Variants in PTPN9 observed in about 807,000 individuals in gnomAD.
PTPN9 encodes the protein protein tyrosine phosphatase non-receptor type 9, also known as tyrosine-protein phosphatase non-receptor type 9.
In PTPN9, 26 loss-of-function variants were observed where a neutral mutation model predicts 69.8. The ratio of observed to expected loss-of-function variants is 0.37; its 90% CI spans 0.27 to 0.52. The LOEUF is 0.52. Among genes scored for constraint, PTPN9 ranks in the 20% least tolerant of loss-of-function variants. The pLI is 0.91. For missense variants in PTPN9, 549 were observed against 740.3 expected (o/e 0.74, Z 3.00); for synonymous variants, 274 against 272.5 (o/e 1.01, Z -0.05).
chr15:75,559,415 G>A (rs1212512180), intron 1 of PTPN9, among the ~76,000 whole-genome samples: 1 of 152,174 alleles, frequency 6.6e-6, no homozygotes, highest in Non-Finnish European at 1.5e-5. Flanking sequence ...ACTCCATTTT[G>A]TTCTGTGCTG....
At chr15:75,530,487 TTATAA>T (rs1258219541) in intron 1 of PTPN9, among the ~76,000 whole-genome samples, 23 of 96,176 alleles carry the variant, frequency 2.4e-4, no homozygotes, top group African/African-American at 3.4e-4. Context: ...AAAATATATA[TTATAA>T]TATATTATAT....
Position 75,464,715 on chromosome 15 carries a change from GTGTC to G in PTPN9, c.*4050_*4053del, listed in dbSNP as rs1567456141. The G allele has an allele frequency of 6.6e-6, 1 of 152,140 alleles. No individual in the cohort carries two copies. The highest frequency in any genetic ancestry group is 2.4e-5 in the African/African-American group (1 of 41,422). 9.4% of individuals were successfully genotyped at this position (152,140 alleles called of 1,614,324 possible). A position where few individuals can be genotyped will look rare whatever the true frequency, so the allele number is the denominator to read the frequency against. ...CTGATTTATAAAAGTTTTTGTATGT[GTGTC>G]TGTCTGTCCCAAGAGACAGGAAGCA... On this transcript the variant is annotated 3_prime_UTR_variant, in exon 13 of 13. Transcript: ENST00000618819.
chr15:75,503,614 C>T (rs1230818835), intron 7 of PTPN9, among the ~76,000 whole-genome samples: 6 of 142,134 alleles, frequency 4.2e-5, no homozygotes, highest in African/African-American at 1.6e-4. Flanking sequence ...GCCCCCCGCC[C>T]GGCCAGCCGC....
chr15:75,470,088 T>A, intron 11 of PTPN9, 89 bp from the exon 12 acceptor site: 1 of 1,216,104 alleles, frequency 8.2e-7, no homozygotes, highest in Non-Finnish European at 1.2e-6. Context: ...AACACCCTGG[T>A]TATCCCTACC....
At position 75,578,886 on chromosome 15, in the gene PTPN9, G is replaced by C. The variant is rs1190808564; in HGVS notation, c.-110C>G. 1 of 734,422 alleles carries C rather than the reference G, an allele frequency of 1.4e-6. No individual in the cohort carries two copies. The highest frequency in any genetic ancestry group is 1.8e-6 in the Non-Finnish European group (1 of 553,006). 45.5% of individuals were successfully genotyped at this position (734,422 alleles called of 1,614,324 possible). A position where few individuals can be genotyped will look rare whatever the true frequency, so the allele number is the denominator to read the frequency against. On this transcript the variant is annotated 5_prime_UTR_variant, in exon 1 of 13. Coordinates refer to ENST00000618819, the MANE Select transcript of PTPN9 (RefSeq NM_002833.4). ...CGCCTCAGCAGCCCGGGGCCGGCTC[G>C]CGCATAGTGTGGCCGGCAGGGCCCG...
chr15:75,527,045 G>T, intron 2 of PTPN9, 73 bp downstream of exon 2: 1 of 1,557,890 alleles, frequency 6.4e-7, no homozygotes, highest in Non-Finnish European at 8.8e-7. Context: ...CAATGTGTGT[G>T]TCGAGCATGA....
intron 8 of PTPN9, among the ~76,000 whole-genome samples, chr15:75,481,802 C>T (rs1372549850): frequency 1.6e-5 from 2 of 128,288 alleles, no homozygotes; most frequent in South Asian, 3.1e-4. Context: ...CCCCTCTGCC[C>T]GGCCAGCCGC....
At chr15:75,507,527 G>C (rs1368055335) in intron 6 of PTPN9, among the ~76,000 whole-genome samples, 1 of 151,854 alleles carries the variant, frequency 6.6e-6, no homozygotes, top group Admixed American at 6.6e-5. Context: ...AGCACTTTTG[G>C]GAGGCTGAGG....
intron 5 of PTPN9, chr15:75,512,822 CATT>C (rs1423735096): frequency 1.5e-5 from 4 of 275,206 alleles, no homozygotes; most frequent in African/African-American, 6.8e-5. Context: ...AGACAAAGGA[CATT>C]ATTATACTTT....
chr15:75,568,938 A>G (rs1595973026), intron 1 of PTPN9, among the ~76,000 whole-genome samples: 2 of 152,220 alleles, frequency 1.3e-5, no homozygotes, highest in East Asian at 3.8e-4. Context: ...GGCTGATGCC[A>G]GGCCCTCCAG....
intron 1 of PTPN9, among the ~76,000 whole-genome samples, chr15:75,548,137 G>A (rs1297083925): frequency 6.6e-6 from 1 of 152,112 alleles, no homozygotes; most frequent in African/African-American, 2.4e-5. Context: ...CAAGAAAAGT[G>A]GTAGAGCCTG....
chr15:75,527,370 A>T (rs1470942897), intron 1 of PTPN9, 109 bp from the exon 2 acceptor site: 24 of 1,225,206 alleles, frequency 2.0e-5, no homozygotes, highest in Non-Finnish European at 2.7e-5. Flanking sequence ...GTCTGAACCC[A>T]GTTTGCTACA....
At chr15:75,505,623 C>T in intron 7 of PTPN9, 52 bp downstream of exon 7, 1 of 1,431,748 alleles carries the variant, frequency 7.0e-7, no homozygotes, top group South Asian at 1.3e-5. Flanking sequence ...TTGCCAGAGC[C>T]TACCAGAAGC....
intron 9 of PTPN9, among the ~76,000 whole-genome samples, chr15:75,475,019 A>G (rs1387914486): frequency 6.6e-6 from 1 of 152,172 alleles, no homozygotes; most frequent in African/African-American, 2.4e-5. Flanking sequence ...TGACCACCGC[A>G]TTCCTTGTGA....
chr15:75,517,223 T>C (rs1348725905), intron 5 of PTPN9, 36 bp downstream of exon 5: 9 of 1,448,120 alleles, frequency 6.2e-6, no homozygotes, highest in Admixed American at 3.9e-5. Context: ...ATCCCAAGCA[T>C]TGAAGGAAAC....
chr15:75,543,378 A>T (rs1408218952), intron 1 of PTPN9, among the ~76,000 whole-genome samples: 1 of 152,160 alleles, frequency 6.6e-6, no homozygotes, highest in Non-Finnish European at 1.5e-5. Context: ...CGCATAAAGA[A>T]ATCAAAGGCT....
In PTPN9 at chr15:75,465,227, C is replaced by T. The variant is rs1418299575; in HGVS notation, c.*3542G>A. ...CAAGTGATTCTCCCATTTCAGCCTC[C>T]CGAGTAGCTGGGATTACAAGCACAT... is the stretch of plus-strand genomic sequence containing the variant. On this transcript the variant is annotated 3_prime_UTR_variant, in exon 13 of 13. Transcript: ENST00000618819. 3.3e-5 allele frequency: 5 copies of T among 152,136 alleles called. No individual in the cohort carries two copies. Among genetic ancestry groups the T allele is most frequent in the Non-Finnish European group, 7.3e-5 (5 of 68,054 alleles). 9.4% of individuals were successfully genotyped at this position (152,136 alleles called of 1,614,324 possible). A position where few individuals can be genotyped will look rare whatever the true frequency, so the allele number is the denominator to read the frequency against.
rs182347977 is a variant in PTPN9 at position 75,542,092 on chromosome 15, A to G, written c.64-14831T>C. 1.4e-3 allele frequency among the ~76,000 whole-genome samples: 209 copies of G among 151,512 alleles called. 1 individual carries two copies. The highest frequency in any genetic ancestry group is 4.8e-3 in the African/African-American group (200 of 41,544). ...ATAAATCATTAATAGGTCTACTCCC[A>G]GCAATCTGGATAAATGTATATTGGG... On this transcript the variant is annotated intron_variant, in intron 1 of 12. Coordinates refer to ENST00000618819, the MANE Select transcript of PTPN9 (RefSeq NM_002833.4).
intron 2 of PTPN9, among the ~76,000 whole-genome samples, chr15:75,525,446 G>A (rs550655208): frequency 2.2e-4 from 33 of 150,690 alleles, no homozygotes; most frequent in Admixed American, 8.6e-4. Flanking sequence ...CACCCGCCTC[G>A]GCCTCCCAAA....
Sources: allele counts gnomAD v4.1 joint callset (sites outside exome capture counted in the v4.1 genomes callset), GRCh38; gene constraint gnomAD v4.1.1; transcripts MANE v1.5; gene names NCBI Gene and HGNC (gene_info 2026-07-23, HGNC 2026-07-21).